Variants in RARS2 observed in about 807,000 individuals in gnomAD.
RARS2 encodes the protein probable arginine--tRNA ligase, mitochondrial.
A neutral mutation model predicts 88.5 loss-of-function variants in RARS2; 67 were observed. The observed-to-expected ratio is 0.76, with a 90% confidence interval of 0.62 to 0.93. RARS2 has a LOEUF of 0.93. Among genes scored for constraint, RARS2 ranks in the 40% least tolerant of loss-of-function variants. The pLI, the probability that RARS2 is intolerant of heterozygous loss-of-function variation, is 0.00. For missense variants in RARS2, 664 were observed against 684.2 expected (o/e 0.97, Z 0.33); for synonymous variants, 239 against 230.3 (o/e 1.04, Z -0.34).
At chr6:87,589,491 C>T (rs578200315) in intron 1 of RARS2, among the ~76,000 whole-genome samples, 27 of 152,268 alleles carry the variant, frequency 1.8e-4, no homozygotes, top group African/African-American at 6.5e-4. Flanking sequence ...AAAAACAATT[C>T]TAGGGTAGGC....
chr6:87,554,804 T>A (rs1785307883), intron 5 of RARS2, among the ~76,000 whole-genome samples: 2 of 152,064 alleles, frequency 1.3e-5, no homozygotes, highest in South Asian at 4.1e-4. Context: ...TAACAGTCTA[T>A]TAAAGTAAAT....
chr6:87,563,296 T>C (rs1217451783), intron 3 of RARS2, among the ~76,000 whole-genome samples: 1 of 152,236 alleles, frequency 6.6e-6, no homozygotes, highest in African/African-American at 2.4e-5. Context: ...TGAAGAGATA[T>C]CTGCTGTCAC....
chr6:87,582,908 G>A (rs919384148), intron 1 of RARS2, among the ~76,000 whole-genome samples: 10 of 152,122 alleles, frequency 6.6e-5, no homozygotes, highest in African/African-American at 2.4e-4. Context: ...TAACGAGAGC[G>A]TAAAGCTACT....
chr6:87,523,713 T>C (rs1255918393), intron 11 of RARS2, among the ~76,000 whole-genome samples: 2 of 152,142 alleles, frequency 1.3e-5, no homozygotes, highest in Non-Finnish European at 2.9e-5. Context: ...AAAAAGACAC[T>C]AACCAGACCC....
intron 4 of RARS2, among the ~76,000 whole-genome samples, chr6:87,559,527 C>T (rs1392660185): frequency 6.8e-6 from 1 of 147,600 alleles, no homozygotes; most frequent in Non-Finnish European, 1.5e-5. Context: ...GGCTGGAGTA[C>T]AGCAGTGTGA....
At chr6:87,519,462 T>A (rs745877104) in intron 14 of RARS2, 121 bp downstream of exon 14, 1 of 1,136,502 alleles carries the variant, frequency 8.8e-7, no homozygotes, top group African/African-American at 1.6e-5. Flanking sequence ...AAAGGTATTT[T>A]TGACAAAGTT....
intron 1 of RARS2, among the ~76,000 whole-genome samples, chr6:87,579,901 C>A (rs987272403): frequency 2.6e-5 from 4 of 151,610 alleles, no homozygotes; most frequent in African/African-American, 9.7e-5. Context: ...ACCCACTATG[C>A]CCAGCTAATT....
At chr6:87,569,950 ATTTAC>A (rs1394980458) in intron 1 of RARS2, among the ~76,000 whole-genome samples, 2 of 152,134 alleles carry the variant, frequency 1.3e-5, no homozygotes, top group Admixed American at 6.5e-5. Flanking sequence ...TCCACAGATA[ATTTAC>A]TTATTTTTTT....
At position 87,530,835 on chromosome 6, in the gene RARS2, C is replaced by T; in HGVS notation, c.720G>A (p.Leu240=). 1 of 1,614,188 alleles carries T rather than the reference C, an allele frequency of 6.2e-7. No individual in the cohort carries two copies. The highest frequency in any genetic ancestry group is 8.5e-7 in the Non-Finnish European group (1 of 1,180,020). The change falls in exon 9 of 20, where the codon CTG becomes CTA. Residue 240 remains leucine, a synonymous_variant. Coordinates refer to ENST00000369536, the MANE Select transcript of RARS2 (RefSeq NM_020320.5). ...TGCTCAAGTCCCGAAATTTTTGCCA[C>T]AGTGAAAGTGCTTGCACATCGCCCA... The part of the protein sequence containing the change: ...LELGDVQALS[L]WQKFRDLSIE...
At chr6:87,582,288 T>C (rs2978445) in intron 1 of RARS2, among the ~76,000 whole-genome samples, 4 of 152,226 alleles carry the variant, frequency 2.6e-5, no homozygotes, top group Non-Finnish European at 5.9e-5. Flanking sequence ...GATTTTTTAA[T>C]GATCACCATT....
intron 7 of RARS2, among the ~76,000 whole-genome samples, chr6:87,543,082 A>C (rs1781528857): frequency 6.6e-6 from 1 of 152,106 alleles, no homozygotes; most frequent in Non-Finnish European, 1.5e-5. Context: ...TGGGTGGATC[A>C]CCTGAGGTCA....
intron 17 of RARS2, 151 bp from the exon 18 acceptor site, chr6:87,517,031 C>A: frequency 8.1e-7 from 1 of 1,238,470 alleles, no homozygotes; most frequent in Non-Finnish European, 1.1e-6. Flanking sequence ...GTAATCCCAG[C>A]ACTTTGGGAG....
chr6:87,585,351 TACTC>T (rs1172233632), intron 1 of RARS2, among the ~76,000 whole-genome samples: 2 of 152,222 alleles, frequency 1.3e-5, no homozygotes, highest in African/African-American at 4.8e-5. Context: ...ACAAAACAAT[TACTC>T]TTATTATTGT....
Position 87,521,470 on chromosome 6 carries a change from T to C in RARS2, c.1029A>G (p.Ile343Met). ...RMDKYNFDTM[I>M]YVTDKGQKKH... ...TTTTGTTCTGATTACTTACCACATA[T>C]ATCATTGTATCAAAATTATACTTGT... The change falls in exon 12 of 20, where the codon ATA becomes ATG. Residue 343 changes from isoleucine (I) to methionine (M), a missense_variant. Physicochemically the swap from Ile to Met is conservative, Grantham distance 10. Coordinates refer to ENST00000369536, the MANE Select transcript of RARS2 (RefSeq NM_020320.5). 1 of 1,602,598 alleles carries C rather than the reference T, an allele frequency of 6.2e-7. No homozygotes were observed. Among genetic ancestry groups the C allele is most frequent in the Admixed American group, 1.7e-5 (1 of 60,000 alleles).
intron 5 of RARS2, among the ~76,000 whole-genome samples, chr6:87,549,974 T>C (rs112903398): frequency 2.6e-5 from 4 of 152,234 alleles, no homozygotes; most frequent in African/African-American, 4.8e-5. Context: ...AACTTGAACA[T>C]AGCTGGTTAA....
At chr6:87,520,112 T>G (rs1288002409) in intron 13 of RARS2, 68 bp downstream of exon 13, 44 of 1,305,288 alleles carry the variant, frequency 3.4e-5, no homozygotes, top group Non-Finnish European at 4.3e-5. Context: ...TGAAAAACTT[T>G]AACCACTAGG....
chr6:87,536,063 A>T (rs1259026149), intron 8 of RARS2, among the ~76,000 whole-genome samples: 1 of 152,060 alleles, frequency 6.6e-6, no homozygotes, highest in South Asian at 2.1e-4. Flanking sequence ...CTCTTATAAG[A>T]GGCTGCCCTT....
chr6:87,570,957 T>C (rs536296589), intron 1 of RARS2, among the ~76,000 whole-genome samples: 1 of 152,312 alleles, frequency 6.6e-6, no homozygotes, highest in Admixed American at 6.5e-5. Flanking sequence ...ATGATGAAAC[T>C]GAAGTACAGG....
intron 10 of RARS2, among the ~76,000 whole-genome samples, chr6:87,527,498 A>G (rs1776142595): frequency 6.6e-6 from 1 of 152,200 alleles, no homozygotes; most frequent in Non-Finnish European, 1.5e-5. Context: ...CTTGGCAAAG[A>G]TTTCTTGGAG....
Sources: allele counts gnomAD v4.1 joint callset (sites outside exome capture counted in the v4.1 genomes callset), GRCh38; gene constraint gnomAD v4.1.1; transcripts MANE v1.5; gene names NCBI Gene and HGNC (gene_info 2026-07-23, HGNC 2026-07-21).